CELF4: variants seen among roughly 807,000 people sequenced by gnomAD.
CELF4 encodes the protein CUG-BP- and ETR-3-like factor 4.
In CELF4, 18 loss-of-function variants were observed where a neutral mutation model predicts 59.9. That is an observed-to-expected ratio of 0.30 (90% CI 0.21 to 0.45). The LOEUF (loss-of-function observed/expected upper bound fraction) is 0.45, where lower values mean the gene tolerates loss of function less well. Among genes scored for constraint, CELF4 ranks in the 20% least tolerant of loss-of-function variants. The pLI is 1.00. For missense variants in CELF4, 456 were observed against 689.0 expected, an observed-to-expected ratio of 0.66 and a Z score of 3.79; for synonymous variants, 261 against 267.1, an observed-to-expected ratio of 0.98 and a Z score of 0.22.
In CELF4 at chr18:37,438,213, G is replaced by A. The variant is rs140211770; in HGVS notation, c.369+47312C>T. 8.5e-5 allele frequency among the ~76,000 whole-genome samples: 13 copies of A among 152,348 alleles called. No homozygotes were observed. The East Asian group carries it at 2.5e-3, about 29-fold the overall frequency. ...CCTAAGACAACCTCACTATGCTGAT[G>A]TGGAGACTGAAGCCTGAAAGGTCAA... On this transcript the variant is annotated intron_variant, in intron 2 of 12. Transcript: ENST00000420428.
intron 3 of CELF4, among the ~76,000 whole-genome samples, chr18:37,295,136 G>A (rs2095565130): frequency 6.6e-6 from 1 of 152,172 alleles, no homozygotes; most frequent in South Asian, 2.1e-4. Context: ...TCCAGGAGGG[G>A]GCGCCCTGAA....
chr18:37,548,976 C>T (rs2099982296), intron 1 of CELF4, among the ~76,000 whole-genome samples: 1 of 152,140 alleles, frequency 6.6e-6, no homozygotes, highest in Admixed American at 6.5e-5. Flanking sequence ...TGCATGAGCC[C>T]CAGTCACATG....
chr18:37,529,860 G>GT (rs2099967685), intron 1 of CELF4, among the ~76,000 whole-genome samples: 1 of 152,170 alleles, frequency 6.6e-6, no homozygotes, highest in Admixed American at 6.5e-5. Context: ...TTCACCCACA[G>GT]ACATTCTGAT....
At chr18:37,355,413 C>G (rs2098546493) in intron 2 of CELF4, among the ~76,000 whole-genome samples, 1 of 152,156 alleles carries the variant, frequency 6.6e-6, no homozygotes, top group African/African-American at 2.4e-5. Context: ...TGGCTAACGT[C>G]TGTAATCCCA....
intron 3 of CELF4, among the ~76,000 whole-genome samples, chr18:37,287,122 C>T: frequency 6.6e-6 from 1 of 152,156 alleles, no homozygotes; most frequent in East Asian, 1.9e-4. Flanking sequence ...GTGACTCGGG[C>T]TGGCCCCCGA....
At chr18:37,268,318 G>T (rs1374153690) in intron 8 of CELF4, among the ~76,000 whole-genome samples, 2 of 152,182 alleles carry the variant, frequency 1.3e-5, no homozygotes, top group Non-Finnish European at 2.9e-5. Flanking sequence ...ATGTGCTTGG[G>T]AGGGTGGTCT....
At chr18:37,291,134 C>A (rs1258669784) in intron 3 of CELF4, among the ~76,000 whole-genome samples, 1 of 152,126 alleles carries the variant, frequency 6.6e-6, no homozygotes, top group Non-Finnish European at 1.5e-5. Context: ...GTTTCGAACT[C>A]CTGACCTCAG....
At chr18:37,332,819 C>G (rs561318153) in intron 2 of CELF4, among the ~76,000 whole-genome samples, 1 of 152,216 alleles carries the variant, frequency 6.6e-6, no homozygotes, top group Non-Finnish European at 1.5e-5. Context: ...GCTGGGCTGA[C>G]GTGCCCCCAC....
At chr18:37,486,636 G>T (rs2154603222) in intron 1 of CELF4, among the ~76,000 whole-genome samples, 1 of 152,356 alleles carries the variant, frequency 6.6e-6, no homozygotes, top group African/African-American at 2.4e-5. Context: ...AAGCCCAAAA[G>T]CTCACTATGG....
intron 10 of CELF4, among the ~76,000 whole-genome samples, chr18:37,262,718 T>C (rs1265598336): frequency 1.3e-5 from 2 of 152,134 alleles, no homozygotes; most frequent in African/African-American, 4.8e-5. Flanking sequence ...GTTCTGGACC[T>C]GGAGCGGGCA....
chr18:37,467,307 G>A (rs897851265), intron 2 of CELF4, among the ~76,000 whole-genome samples: 4 of 152,134 alleles, frequency 2.6e-5, no homozygotes, highest in Non-Finnish European at 4.4e-5. Context: ...GCTCTCACCT[G>A]GGGAGAACAG....
At chr18:37,552,902 C>T (rs2099983678) in intron 1 of CELF4, among the ~76,000 whole-genome samples, 1 of 152,206 alleles carries the variant, frequency 6.6e-6, no homozygotes, top group Admixed American at 6.5e-5. Flanking sequence ...GCTCTAAGGC[C>T]TGAGCTGCTG....
intron 3 of CELF4, among the ~76,000 whole-genome samples, chr18:37,321,092 G>C (rs1042014799): frequency 1.9e-3 from 285 of 152,248 alleles, no homozygotes; most frequent in African/African-American, 6.6e-3. Flanking sequence ...GGATGGGGGG[G>C]GCAGTACAGA....
intron 3 of CELF4, among the ~76,000 whole-genome samples, chr18:37,311,112 CG>C (rs1161415407): frequency 6.6e-6 from 1 of 152,116 alleles, no homozygotes; most frequent in Non-Finnish European, 1.5e-5. Context: ...GGGAATTTGT[CG>C]AGGAGCTGCG....
intron 1 of CELF4, among the ~76,000 whole-genome samples, chr18:37,521,183 C>T (rs886816731): frequency 2.0e-5 from 3 of 152,146 alleles, no homozygotes; most frequent in Non-Finnish European, 2.9e-5. Context: ...TCTGGGCCTT[C>T]GTTTCCTCAC....
intron 2 of CELF4, among the ~76,000 whole-genome samples, chr18:37,331,250 T>C (rs908260837): frequency 6.6e-6 from 1 of 152,102 alleles, no homozygotes; most frequent in Non-Finnish European, 1.5e-5. Context: ...TGTCTCACCA[T>C]CTCCCCATAC....
chr18:37,502,535 C>T (rs1374881664), intron 1 of CELF4, among the ~76,000 whole-genome samples: 3 of 152,136 alleles, frequency 2.0e-5, no homozygotes, highest in African/African-American at 4.8e-5. Flanking sequence ...GGACAGTGGC[C>T]CAGGAGAAAG....
intron 2 of CELF4, among the ~76,000 whole-genome samples, chr18:37,480,381 A>G (rs1194573934): frequency 6.6e-6 from 1 of 152,214 alleles, no homozygotes; most frequent in African/African-American, 2.4e-5. Flanking sequence ...GATTGCACCG[A>G]TCACTAGAAA....
At chr18:37,388,928 G>A (rs1474627768) in intron 2 of CELF4, among the ~76,000 whole-genome samples, 1 of 152,126 alleles carries the variant, frequency 6.6e-6, no homozygotes, top group Non-Finnish European at 1.5e-5. Context: ...GGGACTTCCT[G>A]GGTGCTCCTG....
Sources: gnomAD v4.1 joint callset for allele counts (sites outside exome capture counted in the v4.1 genomes callset) on GRCh38, gnomAD v4.1.1 for gene constraint, MANE v1.5 for transcripts, NCBI Gene and HGNC (gene_info 2026-07-23, HGNC 2026-07-21) for gene names.